Variants in DCAF6 observed in about 807,000 individuals in gnomAD.
DCAF6 encodes DDB1- and CUL4-associated factor 6.
In DCAF6, 54 loss-of-function variants were observed where a neutral mutation model predicts 125.1. That is an observed-to-expected ratio of 0.43 (90% CI 0.35 to 0.54). The LOEUF (loss-of-function observed/expected upper bound fraction) is 0.54. Among genes scored for constraint, DCAF6 ranks in the 20% least tolerant of loss-of-function variants. The probability of loss-of-function intolerance (pLI) is 0.01; values close to 1 mark genes in which losing one functional copy is unlikely to be tolerated. For synonymous variants in DCAF6, 371 were observed against 390.4 expected (o/e 0.95, Z 0.58); for missense variants, 934 against 1,161.7 (o/e 0.80, Z 2.85).
the DCAF6 span, among the ~76,000 whole-genome samples, chr1:167,903,255 C>CT: frequency 1.4e-5 from 2 of 143,258 alleles, no homozygotes; most frequent in South Asian, 2.2e-4. Flanking sequence ...GACTCTGACT[C>CT]AAAAAAAAAA....
At chr1:167,969,269 T>TA in intron 3 of DCAF6, 2 of 152,320 alleles carry the variant, frequency 1.3e-5, no homozygotes, top group East Asian at 3.9e-4. Flanking sequence ...GGTTATGACT[T>TA]ACTCTTTTAG....
chr1:167,938,051 T>A (rs760750835), intron 1 of DCAF6, among the ~76,000 whole-genome samples: 5 of 152,248 alleles, frequency 3.3e-5, no homozygotes, highest in Non-Finnish European at 5.9e-5. Context: ...TAGCATGCAA[T>A]TTTTTAATTC....
chr1:167,983,272 A>G (rs1036045074), intron 4 of DCAF6, among the ~76,000 whole-genome samples: 1 of 152,300 alleles, frequency 6.6e-6, no homozygotes, highest in East Asian at 1.9e-4. Context: ...CATTTTAACG[A>G]TATTGATTCT....
At chr1:167,864,585 A>C in the DCAF6 span, among the ~76,000 whole-genome samples, 1 of 152,026 alleles carries the variant, frequency 6.6e-6, no homozygotes, top group Non-Finnish European at 1.5e-5. Context: ...AGGAAAGTCA[A>C]AGAGAGAGAG....
the DCAF6 span, chr1:167,901,796 A>G: frequency 1.2e-6 from 2 of 1,614,232 alleles, no homozygotes; most frequent in Non-Finnish European, 1.7e-6. Flanking sequence ...CAGGGCTAGC[A>G]GTGCATCACC....
the DCAF6 span, among the ~76,000 whole-genome samples, chr1:167,921,187 T>C: frequency 1.3e-5 from 2 of 152,146 alleles, no homozygotes; most frequent in Non-Finnish European, 2.9e-5. Flanking sequence ...TTTAAAAGTA[T>C]AAATATCAGA....
upstream of DCAF6, chr1:167,936,665 A>G (rs746939898): frequency 2.1e-5 from 9 of 435,972 alleles, no homozygotes; most frequent in East Asian, 2.1e-4. Flanking sequence ...CTGAGGGAGG[A>G]GACTGTTGCT....
chr1:167,971,788 C>T (rs1557909972), intron 3 of DCAF6, among the ~76,000 whole-genome samples: 2 of 152,112 alleles, frequency 1.3e-5, no homozygotes, highest in Non-Finnish European at 2.9e-5. Context: ...CAGAATAACT[C>T]ATAATGCATT....
chr1:168,075,403 G>A lies in DCAF6; in HGVS notation c.2824G>A (p.Gly942Ser). 6.2e-7 allele frequency: 1 copy of A among 1,603,164 alleles called. No individual in the cohort carries two copies. The highest frequency in any genetic ancestry group is 8.5e-7 in the Non-Finnish European group (1 of 1,177,416). The change falls in exon 22 of 22, where the codon GGT (glycine) becomes AGT (serine). Residue 942 changes from glycine to serine, a missense_variant. Physicochemically the swap from Gly to Ser is moderately conservative, Grantham distance 56. Transcript: ENST00000367840. ...GGAGGGTGACAGATCAGAAGGCTCT[G>A]GTCAAGAGAATGAAAATGAGGATGA... ...RLEGDRSEGS[G>S]QENENEDEE
At chr1:168,028,106 C>T (rs887283566) in intron 12 of DCAF6, among the ~76,000 whole-genome samples, 4 of 152,048 alleles carry the variant, frequency 2.6e-5, no homozygotes, top group Admixed American at 6.6e-5. Context: ...CATCATGCAT[C>T]TTGTTTAGTT....
At chr1:167,924,680 T>C in the DCAF6 span, 11 of 585,452 alleles carry the variant, frequency 1.9e-5, no homozygotes, top group African/African-American at 1.9e-4. Context: ...GCATACTTTG[T>C]ATTTCAGTTA....
rs1280660204 is a variant in DCAF6, at chr1:168,023,148, A to G, written c.1609+101A>G. ...CCTTTCGTAGCATTTCATTTTGATT[A>G]TGGTCTTATAGTCAGTATTTTGTGG... is the stretch of plus-strand genomic sequence containing the variant. On this transcript the variant is annotated intron_variant, in intron 12 of 21. Coordinates refer to ENST00000367840, the MANE Select transcript of DCAF6 (RefSeq NM_001198956.2). 183 of 1,218,762 alleles carry G rather than the reference A, an allele frequency of 1.5e-4. 3 individuals are homozygous for G. In the Admixed American group the frequency reaches 3.4e-3, roughly 23 times the overall value. 75.5% of individuals were successfully genotyped at this position (1,218,762 alleles called of 1,614,324 possible).
chr1:167,892,318 T>C, the DCAF6 span, among the ~76,000 whole-genome samples: 3 of 152,222 alleles, frequency 2.0e-5, no homozygotes, highest in Non-Finnish European at 2.9e-5. Context: ...TGTCAGACTA[T>C]GTATTCTGAG....
the DCAF6 span, among the ~76,000 whole-genome samples, chr1:167,871,333 G>A: frequency 0.011 from 1,599 of 152,134 alleles, 25 homozygotes; most frequent in African/African-American, 0.035. Context: ...TATCATAAGA[G>A]CAACTTAAAT....
the DCAF6 span, among the ~76,000 whole-genome samples, chr1:167,891,941 T>A: frequency 6.6e-6 from 1 of 151,984 alleles, no homozygotes; most frequent in Non-Finnish European, 1.5e-5. Context: ...GATTTAATAA[T>A]TTCTAATTAA....
At chr1:168,017,238 G>C (rs1238112044) in intron 11 of DCAF6, among the ~76,000 whole-genome samples, 1 of 142,402 alleles carries the variant, frequency 7.0e-6, no homozygotes, top group Non-Finnish European at 1.5e-5. Context: ...TTTTTTTTTT[G>C]CTGTATATAA....
the DCAF6 span, chr1:167,904,823 C>G: frequency 3.7e-6 from 3 of 820,658 alleles, no homozygotes; most frequent in Admixed American, 6.2e-5. Context: ...TGAGAGAGAG[C>G]CAGGGCCACA....
chr1:167,893,884 T>C, the DCAF6 span: 1 of 1,613,712 alleles, frequency 6.2e-7, no homozygotes, highest in African/African-American at 1.3e-5. Context: ...CACATACTTT[T>C]GTAGGGACAT....
In DCAF6 at chr1:168,004,566, C is replaced by G. The variant is rs376615323; in HGVS notation, c.1151C>G (p.Pro384Arg). The part of the protein sequence containing the change: ...GTSQSDISTL[P>R]TVPSSPDLEV... ...AGTCAATCAGATATTTCAACTCTTC[C>G]TACGGTCCCATCAAGTCCTGATTTG... is the stretch of plus-strand genomic sequence containing the variant. Residue 384 changes from proline (P) to arginine (R), a missense_variant, in exon 10 of 22, where the codon CCT (proline) becomes CGT (arginine). Pro to Arg is a moderately radical substitution (Grantham distance 103). Coordinates refer to ENST00000367840, the MANE Select transcript of DCAF6 (RefSeq NM_001198956.2). The G allele has an allele frequency of 6.2e-7, 1 of 1,612,168 alleles. No homozygotes were observed. The highest frequency in any genetic ancestry group is 1.3e-5 in the African/African-American group (1 of 74,888).
Sources: allele counts gnomAD v4.1 joint callset (sites outside exome capture counted in the v4.1 genomes callset), GRCh38; gene constraint gnomAD v4.1.1; transcripts MANE v1.5; gene names NCBI Gene and HGNC (gene_info 2026-07-23, HGNC 2026-07-21).